ARHGAP24: variants seen among roughly 807,000 people sequenced by gnomAD.
The protein encoded by ARHGAP24 is Rho GTPase activating protein 24.
In ARHGAP24, 50 loss-of-function variants were observed where a neutral mutation model predicts 76.4. The ratio of observed to expected loss-of-function variants is 0.65; its 90% CI spans 0.52 to 0.83. The LOEUF (loss-of-function observed/expected upper bound fraction) is 0.83, where lower values mean the gene tolerates loss of function less well. Among genes scored for constraint, ARHGAP24 ranks in the 40% least tolerant of loss-of-function variants. The pLI, the probability that ARHGAP24 is intolerant of heterozygous loss-of-function variation, is 0.00. For synonymous variants in ARHGAP24, 345 were observed against 323.3 expected (o/e 1.07, Z -0.72); for missense variants, 930 against 914.2 (o/e 1.02, Z -0.22).
chr4:85,896,715 T>C (rs1358966627), intron 3 of ARHGAP24, among the ~76,000 whole-genome samples: 2 of 152,172 alleles, frequency 1.3e-5, no homozygotes, highest in African/African-American at 2.4e-5. Flanking sequence ...ATTTCAATTG[T>C]CCTCTCAGCC....
intron 3 of ARHGAP24, among the ~76,000 whole-genome samples, chr4:85,809,782 C>T (rs1213587002): frequency 6.6e-6 from 1 of 152,188 alleles, no homozygotes; most frequent in African/African-American, 2.4e-5. Flanking sequence ...ATGTCCAGGA[C>T]AGACTGCAAG....
intron 2 of ARHGAP24, among the ~76,000 whole-genome samples, chr4:85,607,378 C>T (rs1357647417): frequency 3.4e-5 from 5 of 147,902 alleles, no homozygotes; most frequent in Non-Finnish European, 7.5e-5. Flanking sequence ...GAGGGAGGAA[C>T]GGAGGGAGGA....
At chr4:85,480,712 T>C (rs1722781892) in intron 1 of ARHGAP24, among the ~76,000 whole-genome samples, 3 of 152,120 alleles carry the variant, frequency 2.0e-5, no homozygotes, top group Admixed American at 6.6e-5. Context: ...TAAAATGACC[T>C]TTCTTCCAAA....
chr4:85,550,260 C>A (rs1398224759), intron 1 of ARHGAP24, among the ~76,000 whole-genome samples: 1 of 152,230 alleles, frequency 6.6e-6, no homozygotes, highest in East Asian at 1.9e-4. Context: ...CAATCTTCTG[C>A]ATATGGCTAG....
At chr4:85,524,497 C>A (rs1724907374) in intron 1 of ARHGAP24, among the ~76,000 whole-genome samples, 1 of 152,030 alleles carries the variant, frequency 6.6e-6, no homozygotes. Context: ...CATATGATGA[C>A]CCATGGCCAT....
chr4:85,877,048 T>C (rs1454627465), intron 3 of ARHGAP24, among the ~76,000 whole-genome samples: 1 of 152,200 alleles, frequency 6.6e-6, no homozygotes, highest in Non-Finnish European at 1.5e-5. Flanking sequence ...CAGTTATAGA[T>C]GTTATTTATT....
intron 3 of ARHGAP24, among the ~76,000 whole-genome samples, chr4:85,724,491 G>GTATA (rs60930279): frequency 0.03 from 307 of 10,358 alleles, 4 homozygotes; most frequent in African/African-American, 0.037. Context: ...TTCCATGTGT[G>GTATA]TATATATATA....
chr4:85,497,150 T>C (rs1424492417), intron 1 of ARHGAP24, among the ~76,000 whole-genome samples: 1 of 152,154 alleles, frequency 6.6e-6, no homozygotes, highest in Non-Finnish European at 1.5e-5. Context: ...GAAGAAAGGA[T>C]TGGAAATATC....
intron 3 of ARHGAP24, among the ~76,000 whole-genome samples, chr4:85,805,607 AG>A (rs1227912305): frequency 7.2e-5 from 11 of 152,188 alleles, no homozygotes; most frequent in African/African-American, 2.4e-4. Context: ...CTGCTGTTGT[AG>A]GGTTCTTTAT....
intron 2 of ARHGAP24, among the ~76,000 whole-genome samples, chr4:85,637,274 A>G (rs1397114343): frequency 6.6e-6 from 1 of 152,094 alleles, no homozygotes; most frequent in Non-Finnish European, 1.5e-5. Flanking sequence ...CTAACAAAAA[A>G]GCTGACATGA....
intron 3 of ARHGAP24, among the ~76,000 whole-genome samples, chr4:85,844,539 C>T (rs1023036449): frequency 6.6e-6 from 1 of 152,152 alleles, no homozygotes; most frequent in Non-Finnish European, 1.5e-5. Context: ...CAAACACACG[C>T]ATACACACAA....
intron 8 of ARHGAP24, among the ~76,000 whole-genome samples, chr4:85,983,599 C>A (rs1739813073): frequency 6.6e-6 from 1 of 152,124 alleles, no homozygotes; most frequent in Admixed American, 6.6e-5. Context: ...ATGCAGCCAA[C>A]AAACTTACTT....
chr4:85,482,335 T>C (rs1277399486), intron 1 of ARHGAP24, among the ~76,000 whole-genome samples: 4 of 152,216 alleles, frequency 2.6e-5, no homozygotes, highest in Non-Finnish European at 5.9e-5. Context: ...ATTTGTTGAT[T>C]GGAGACTTCA....
chr4:85,997,937 A>G (rs11097089), intron 9 of ARHGAP24, among the ~76,000 whole-genome samples: 45,839 of 152,090 alleles, frequency 0.3, 7,720 homozygotes, highest in African/African-American at 0.46. Flanking sequence ...GGTTACAGGC[A>G]TAAGCCATGG....
intron 3 of ARHGAP24, among the ~76,000 whole-genome samples, chr4:85,890,190 A>G (rs183924441): frequency 3.3e-5 from 5 of 152,248 alleles, no homozygotes; most frequent in Admixed American, 1.3e-4. Flanking sequence ...AGTCCTTAGC[A>G]TTTACTCAGT....
intron 8 of ARHGAP24, among the ~76,000 whole-genome samples, chr4:85,992,595 A>C (rs1740401435): frequency 6.6e-6 from 1 of 152,188 alleles, no homozygotes; most frequent in South Asian, 2.1e-4. Context: ...TGGAAACTGC[A>C]AACCTCCGAA....
chr4:85,536,892 GGTGATTTTATACA>G (rs1226652318), intron 1 of ARHGAP24, among the ~76,000 whole-genome samples: 1 of 152,064 alleles, frequency 6.6e-6, no homozygotes, highest in African/African-American at 2.4e-5. Flanking sequence ...TTAGGTCATA[GGTGATTTTATACA>G]GTGCTTTATC....
intron 4 of ARHGAP24, among the ~76,000 whole-genome samples, chr4:85,929,266 G>C (rs527670644): frequency 6.6e-6 from 1 of 152,196 alleles, no homozygotes; most frequent in South Asian, 2.1e-4. Flanking sequence ...TGAACCACAG[G>C]GCAGAACTAA....
chr4:85,549,655 A>G (rs986338358), intron 1 of ARHGAP24, among the ~76,000 whole-genome samples: 2 of 152,128 alleles, frequency 1.3e-5, no homozygotes, highest in South Asian at 4.1e-4. Flanking sequence ...GGTGTGTTAT[A>G]TGGGTAAATT....
Sources: allele counts gnomAD v4.1 joint callset (sites outside exome capture counted in the v4.1 genomes callset), GRCh38; gene constraint gnomAD v4.1.1; transcripts MANE v1.5; gene names NCBI Gene and HGNC (gene_info 2026-07-23, HGNC 2026-07-21).